ZNF345: variants seen among roughly 807,000 people sequenced by gnomAD.
The protein encoded by ZNF345 is zinc finger protein HZF10.
For synonymous variants in ZNF345, 166 were observed against 187.9 expected (o/e 0.88, Z 0.95); for missense variants, 527 against 589.9 (o/e 0.89, Z 1.10).
intron 2 of ZNF345, among the ~76,000 whole-genome samples, chr19:36,860,082 C>T (rs749170687): frequency 1.4e-4 from 21 of 152,016 alleles, no homozygotes; most frequent in Non-Finnish European, 2.5e-4. Context: ...CTCAGCCTCC[C>T]GAGTAGCTGG....
At chr19:36,881,375 A>G (rs1008429448), downstream of ZNF345, among the ~76,000 whole-genome samples, 2 of 152,208 alleles carry the variant, frequency 1.3e-5, no homozygotes, top group Non-Finnish European at 2.9e-5. Context: ...TAACCTTTTA[A>G]TAATTATTTT....
intron 2 of ZNF345, among the ~76,000 whole-genome samples, chr19:36,862,089 G>A (rs2072560239): frequency 6.9e-6 from 1 of 144,820 alleles, no homozygotes; most frequent in South Asian, 2.2e-4. Context: ...TCAAATTCCC[G>A]ACCTCAGGTG....
In ZNF345 at chr19:36,877,772, T is replaced by C; in HGVS notation, c.942T>C (p.Tyr314=). 5 of 1,613,962 alleles carry C rather than the reference T, an allele frequency of 3.1e-6. No individual in the cohort carries two copies. The highest frequency in any genetic ancestry group is 3.4e-6 in the Non-Finnish European group (4 of 1,179,990). The change falls in exon 3 of 3, where the codon TAT becomes TAC. Residue 314 remains tyrosine (Y), a synonymous_variant. Coordinates refer to ENST00000420450, the MANE Select transcript of ZNF345 (RefSeq NM_001242472.2). ...GAATTCACACTGGTGAGAAACCCTA[T>C]GAGTGTAAGGAGTGTGAGAAAGCCT... ...HQRIHTGEKP[Y]ECKECEKAFR... is the part of the protein sequence containing the mutation.
chr19:36,871,072 G>A (rs1385655855), intron 2 of ZNF345, among the ~76,000 whole-genome samples: 1 of 152,200 alleles, frequency 6.6e-6, no homozygotes, highest in Non-Finnish European at 1.5e-5. Context: ...CAGTTGTGGA[G>A]GCTGGAAAGT....
rs932884371 is a variant in ZNF345 at position 36,877,729 on chromosome 19, A to G, written c.899A>G (p.Asp300Gly). ...ECGKAFNSGS[D>G]LTQHQRIHTG... ...GGGAAGGCTTTTAATAGTGGCTCAG[A>G]TCTCACTCAGCATCAGAGAATTCAC... The change falls in exon 3 of 3, where the codon GAT (aspartate) becomes GGT (glycine). Residue 300 changes from aspartate to glycine, a missense_variant. Physicochemically the swap from Asp to Gly is moderately conservative, Grantham distance 94. Coordinates refer to ENST00000420450, the MANE Select transcript of ZNF345 (RefSeq NM_001242472.2). The G allele has an allele frequency of 2.0e-5, 32 of 1,613,746 alleles. No homozygotes were observed. The highest frequency in any genetic ancestry group is 2.6e-5 in the Non-Finnish European group (31 of 1,179,894).
intron 2 of ZNF345, among the ~76,000 whole-genome samples, chr19:36,866,616 C>T (rs1299273567): frequency 6.6e-6 from 1 of 152,184 alleles, no homozygotes; most frequent in Non-Finnish European, 1.5e-5. Context: ...ATGGCATAAT[C>T]TCGTCTCACT....
Position 36,887,733 on chromosome 19 carries a change from C to T in ZNF345, c.47-5085C>T, listed in dbSNP as rs568695540. On this transcript the variant is annotated intron_variant, in intron 3 of 3. Transcript: ENST00000526123. The stretch of plus-strand genomic sequence containing the variant: ...ACATGCTAGGCTAAAAGTCAAGATT[C>T]GAGACTCAGAATCATTTTGGTCCTC... 9.2e-5 allele frequency among the ~76,000 whole-genome samples: 14 copies of T among 152,190 alleles called. No individual in the cohort carries two copies. In the South Asian group the frequency reaches 1.5e-3, roughly 16 times the overall value.
At chr19:36,891,739 A>C (rs2073055350) in intron 3 of ZNF345, 1 of 1,614,044 alleles carries the variant, frequency 6.2e-7, no homozygotes, top group African/African-American at 1.3e-5. Flanking sequence ...ACATTCATAG[A>C]GCTTCTCACC....
At chr19:36,858,609 A>G (rs2072476114) in intron 2 of ZNF345, among the ~76,000 whole-genome samples, 1 of 152,072 alleles carries the variant, frequency 6.6e-6, no homozygotes, top group African/African-American at 2.4e-5. Flanking sequence ...TCTACCAAAA[A>G]TAGAAAAATT....
chr19:36,868,702 T>G (rs2072714403), intron 2 of ZNF345, among the ~76,000 whole-genome samples: 1 of 146,654 alleles, frequency 6.8e-6, no homozygotes, highest in Non-Finnish European at 1.5e-5. Context: ...CTCGGCTCAC[T>G]GCAACCTCCG....
At position 36,877,035 on chromosome 19, in the gene ZNF345, A is replaced by C; in HGVS notation, c.205A>C (p.Lys69Gln). 4 of 1,614,168 alleles carry C rather than the reference A, an allele frequency of 2.5e-6. No homozygotes were observed. Among genetic ancestry groups the C allele is most frequent in the Non-Finnish European group, 3.4e-6 (4 of 1,180,002 alleles). Residue 69 changes from lysine (K) to glutamine (Q), a missense_variant, in exon 3 of 3, where the codon AAG becomes CAG. Coordinates refer to ENST00000420450, the MANE Select transcript of ZNF345 (RefSeq NM_001242472.2). Reference protein sequence around the residue: ...EKLLECKECGKDFSFVSVLVR... With the variant: ...EKLLECKECGQDFSFVSVLVR... ...ACTCCTTGAATGTAAGGAATGTGGG[A>C]AGGATTTTAGTTTTGTATCAGTCCT...
chr19:36,893,134 G>A (rs911431408), downstream of ZNF345: 2 of 396,096 alleles, frequency 5.0e-6, no homozygotes, highest in East Asian at 7.1e-5. Flanking sequence ...TTTAAATGTC[G>A]GGGGCGGGTG....
Position 36,877,621 on chromosome 19 carries a change from G to A in ZNF345, c.791G>A (p.Gly264Asp), listed in dbSNP as rs1375828509. Residue 264 changes from glycine to aspartate, a missense_variant, in exon 3 of 3, where the codon GGT (glycine) becomes GAT (aspartate). Transcript: ENST00000420450. ...AAACCATATATATGTAATGAATGTG[G>A]TAAGGCCTTTAGTTTTGGATCAGCC... The part of the protein sequence containing the change: ...GEKPYICNEC[G>D]KAFSFGSALT... The A allele has an allele frequency of 1.2e-6, 2 of 1,613,940 alleles. No individual in the cohort carries two copies. The highest frequency in any genetic ancestry group is 4.5e-5 in the East Asian group (2 of 44,864).
At chr19:36,860,397 C>G (rs1344925218) in intron 2 of ZNF345, among the ~76,000 whole-genome samples, 1 of 152,154 alleles carries the variant, frequency 6.6e-6, no homozygotes, top group Non-Finnish European at 1.5e-5. Flanking sequence ...CAGTAATGTT[C>G]TTTATAACAA....
chr19:36,868,751 G>A (rs1172408460), intron 2 of ZNF345, among the ~76,000 whole-genome samples: 5 of 150,162 alleles, frequency 3.3e-5, no homozygotes, highest in Admixed American at 6.7e-5. Context: ...TCAGGCTCCC[G>A]AGTAGCTGGG....
At chr19:36,892,865 T>G in exon 4 of ZNF345, 1 of 1,154,756 alleles carries the variant, frequency 8.7e-7, no homozygotes, top group Non-Finnish European at 1.1e-6. Context: ...CTCCTCGTCG[T>G]ACAGCTTGTG....
downstream of ZNF345, among the ~76,000 whole-genome samples, chr19:36,882,132 T>C (rs2072972148): frequency 6.6e-6 from 1 of 152,116 alleles, no homozygotes; most frequent in African/African-American, 2.4e-5. Flanking sequence ...TTCAAAAATA[T>C]ATTTCACTAT....
chr19:36,876,717 C>A, intron 2 of ZNF345, 68 bp from the exon 3 acceptor site: 1 of 1,045,214 alleles, frequency 9.6e-7, no homozygotes, highest in Non-Finnish European at 1.4e-6. Context: ...TCTTTCGTAT[C>A]TATTATAAAC....
chr19:36,877,307 A>G lies in ZNF345; in HGVS notation c.477A>G (p.Ser159=). 1.2e-6 allele frequency: 2 copies of G among 1,614,060 alleles called. No individual in the cohort carries two copies. Among genetic ancestry groups the G allele is most frequent in the Non-Finnish European group, 1.7e-6 (2 of 1,180,002 alleles). ...GTGGGAAAGCCTTTAGTTTTGGATC[A>G]GGCCTTATTCGACATCAGATCATTC... ...KECGKAFSFG[S]GLIRHQIIHS... Residue 159 remains serine (S), a synonymous_variant, in exon 3 of 3, where the codon TCA becomes TCG. Coordinates refer to ENST00000420450, the MANE Select transcript of ZNF345 (RefSeq NM_001242472.2).
Sources: gnomAD v4.1 joint callset for allele counts (sites outside exome capture counted in the v4.1 genomes callset) on GRCh38, gnomAD v4.1.1 for gene constraint, MANE v1.5 for transcripts, NCBI Gene and HGNC (gene_info 2026-07-23, HGNC 2026-07-21) for gene names.